Variants in FGF14 observed in about 807,000 individuals in gnomAD.
FGF14 encodes fibroblast growth factor homologous factor 4.
FGF14 carries 5 observed loss-of-function variants against 25.5 expected under a neutral mutation model. The observed-to-expected ratio is 0.20, with a 90% CI of 0.10 to 0.41. The LOEUF is 0.41. Ranked by LOEUF, FGF14 falls within the 10% of genes least tolerant of loss-of-function variation. The probability of loss-of-function intolerance (pLI) is 1.00; values close to 1 mark genes in which losing one functional copy is unlikely to be tolerated. For missense variants in FGF14, 222 were observed against 320.1 expected (o/e 0.69, Z 2.34); for synonymous variants, 138 against 118.3 (o/e 1.17, Z -1.08).
chr13:102,004,842 C>G (rs2039697058), intron 1 of FGF14, among the ~76,000 whole-genome samples: 1 of 152,088 alleles, frequency 6.6e-6, no homozygotes, highest in Admixed American at 6.6e-5. Context: ...GGCTTTACCC[C>G]CTTTGCTTGG....
chr13:102,235,418 G>A (rs374385965), intron 1 of FGF14, among the ~76,000 whole-genome samples: 3 of 152,038 alleles, frequency 2.0e-5, no homozygotes, highest in Non-Finnish European at 2.9e-5. Context: ...TCAAAGTTTG[G>A]TCTGTGAGCC....
At chr13:101,745,644 G>T (rs2036836694) in intron 3 of FGF14, among the ~76,000 whole-genome samples, 1 of 151,984 alleles carries the variant, frequency 6.6e-6, no homozygotes, top group Non-Finnish European at 1.5e-5. Context: ...ATTTAACTTA[G>T]CAATATGCAT....
At chr13:102,202,317 G>C (rs548771289) in intron 1 of FGF14, among the ~76,000 whole-genome samples, 1 of 152,222 alleles carries the variant, frequency 6.6e-6, no homozygotes, top group African/African-American at 2.4e-5. Flanking sequence ...TTAGTGCCAA[G>C]GGCCTATAAG....
intron 3 of FGF14, among the ~76,000 whole-genome samples, chr13:101,769,877 A>G (rs2038649321): frequency 6.6e-6 from 1 of 152,198 alleles, no homozygotes; most frequent in Non-Finnish European, 1.5e-5. Flanking sequence ...TACTATAATC[A>G]TGGATACATG....
At chr13:102,387,940 G>A (rs749374642) in intron 1 of FGF14, among the ~76,000 whole-genome samples, 2 of 152,070 alleles carry the variant, frequency 1.3e-5, no homozygotes, top group Non-Finnish European at 2.9e-5. Flanking sequence ...ACGTTGGCCA[G>A]GATGGTCTCG....
chr13:102,047,790 T>G (rs1291342730), intron 1 of FGF14, among the ~76,000 whole-genome samples: 1 of 152,092 alleles, frequency 6.6e-6, no homozygotes, highest in Non-Finnish European at 1.5e-5. Context: ...GTAACAAACC[T>G]GCATGTTGTG....
At chr13:102,088,258 T>C (rs1045228500) in intron 1 of FGF14, among the ~76,000 whole-genome samples, 1 of 152,212 alleles carries the variant, frequency 6.6e-6, no homozygotes, top group African/African-American at 2.4e-5. Flanking sequence ...TTTGTCACTT[T>C]AGAAATGCTG....
At chr13:102,394,037 C>T (rs966430315) in intron 1 of FGF14, among the ~76,000 whole-genome samples, 2 of 152,222 alleles carry the variant, frequency 1.3e-5, no homozygotes, top group Admixed American at 6.5e-5. Flanking sequence ...TCTGGGATTA[C>T]TCTAATCAAT....
At chr13:102,199,227 A>AAACAGTGTAAAGCCTTGGT (rs1394715222) in intron 1 of FGF14, among the ~76,000 whole-genome samples, 2 of 152,224 alleles carry the variant, frequency 1.3e-5, no homozygotes, top group Non-Finnish European at 1.5e-5. Context: ...TTTTTAGTTA[A>AAACAGTGTAAAGCCTTGGT]AACAGTGTAA....
intron 1 of FGF14, among the ~76,000 whole-genome samples, chr13:102,389,608 G>C (rs1045454623): frequency 6.6e-6 from 1 of 152,180 alleles, no homozygotes; most frequent in Non-Finnish European, 1.5e-5. Flanking sequence ...TTAGAGGACA[G>C]ATTTGTTTCC....
intron 3 of FGF14, among the ~76,000 whole-genome samples, chr13:101,856,319 A>T (rs941122295): frequency 6.6e-6 from 1 of 151,876 alleles, no homozygotes; most frequent in African/African-American, 2.4e-5. Context: ...TTTTTGAAAA[A>T]TAGTGTAGAA....
intron 1 of FGF14, among the ~76,000 whole-genome samples, chr13:102,111,517 A>C (rs594867): frequency 0.53 from 81,029 of 151,908 alleles, 22,963 homozygotes; most frequent in East Asian, 0.75. Flanking sequence ...GAGTTCGAGA[A>C]CAGCCAGAGC....
rs1177602395 is a variant in FGF14, at chr13:101,718,886, C to T, written c.*3945G>A. Reference sequence around the variant, plus strand: ...TCAAGAGAGTCAACAGGCCCTATGTCACATTGTAGGCTAAGAAACCTCAGC... The same window carrying T: ...TCAAGAGAGTCAACAGGCCCTATGTTACATTGTAGGCTAAGAAACCTCAGC... On this transcript the variant is annotated 3_prime_UTR_variant, in exon 5 of 5. Coordinates refer to ENST00000376143, the MANE Select transcript of FGF14 (RefSeq NM_004115.4). 1 of 151,952 alleles carries T rather than the reference C, an allele frequency of 6.6e-6. No homozygotes were observed. The highest frequency in any genetic ancestry group is 2.4e-5 in the African/African-American group (1 of 41,406). 9.4% of individuals were successfully genotyped at this position (151,952 alleles called of 1,614,324 possible). A position where few individuals can be genotyped will look rare whatever the true frequency, so the allele number is the denominator to read the frequency against.
chr13:102,084,267 A>T (rs1417649751), intron 1 of FGF14, among the ~76,000 whole-genome samples: 1 of 152,060 alleles, frequency 6.6e-6, no homozygotes, highest in Non-Finnish European at 1.5e-5. Flanking sequence ...TTTTTAACAT[A>T]CTCTATTGTA....
chr13:102,098,040 G>C (rs1479421932), intron 1 of FGF14, among the ~76,000 whole-genome samples: 1 of 152,218 alleles, frequency 6.6e-6, no homozygotes, highest in Non-Finnish European at 1.5e-5. Flanking sequence ...TCACAGTCAT[G>C]TGTGGCTTTC....
In FGF14 at chr13:101,844,590, G is replaced by A. The variant is rs142053323; in HGVS notation, c.408+24135C>T. Among the ~76,000 whole-genome samples, 393 of 151,896 alleles carry A rather than the reference G, an allele frequency of 2.6e-3. 2 individuals are homozygous for A. The highest frequency in any genetic ancestry group is 9.0e-3 in the African/African-American group (374 of 41,456). ...TCATCCCTTGCAGAACAGAACCACC[G>A]ATTTTATAATATATGATACTCTGGA... is the stretch of plus-strand genomic sequence containing the variant. On this transcript the variant is annotated intron_variant, in intron 3 of 4. Coordinates refer to ENST00000376143, the MANE Select transcript of FGF14 (RefSeq NM_004115.4).
At chr13:102,163,305 C>T (rs531831504) in intron 1 of FGF14, among the ~76,000 whole-genome samples, 1 of 152,240 alleles carries the variant, frequency 6.6e-6, no homozygotes, top group South Asian at 2.1e-4. Flanking sequence ...TTAGAAACCA[C>T]ATGCCATGCC....
intron 1 of FGF14, among the ~76,000 whole-genome samples, chr13:102,151,184 G>A (rs1242789626): frequency 6.6e-6 from 1 of 152,096 alleles, no homozygotes; most frequent in East Asian, 1.9e-4. Flanking sequence ...AGGTCAGCAG[G>A]GGGCTAACTT....
At position 101,812,633 on chromosome 13, in the gene FGF14, ATATATATATATATATATATATTTTTTTTT is replaced by A. The variant is rs1209867537; in HGVS notation, c.408+56063_408+56091del. Among the ~76,000 whole-genome samples the A allele has an allele frequency of 3.8e-3, 37 of 9,856 alleles. 2 individuals are homozygous for A. Among genetic ancestry groups the A allele is most frequent in the African/African-American group, 0.011 (33 of 3,102 alleles). The allele number at this position is 9,856 out of a possible 152,430, so 6.5% of individuals were successfully genotyped here. ...AAACTATATATATATATATATATAT[ATATATATATATATATATATATTTTTTTTT>A]TTTTTTTTTTTTTTTTTTTTACGGA... is the stretch of plus-strand genomic sequence containing the variant. On this transcript the variant is annotated intron_variant, in intron 3 of 4. Coordinates refer to ENST00000376143, the MANE Select transcript of FGF14 (RefSeq NM_004115.4).
Sources: gnomAD v4.1 joint callset for allele counts (sites outside exome capture counted in the v4.1 genomes callset) on GRCh38, gnomAD v4.1.1 for gene constraint, MANE v1.5 for transcripts, NCBI Gene and HGNC (gene_info 2026-07-23, HGNC 2026-07-21) for gene names.